Variants in GRM5 observed in about 807,000 individuals in gnomAD.
GRM5 encodes the protein metabotropic glutamate receptor 5.
Under a neutral mutation model 83.1 loss-of-function variants are expected in GRM5, and 19 were observed. That is an observed-to-expected ratio of 0.23 (90% CI 0.16 to 0.34). The LOEUF (loss-of-function observed/expected upper bound fraction) is 0.34. Among genes scored for constraint, GRM5 ranks in the 10% least tolerant of loss-of-function variants. GRM5 has a pLI of 1.00. For missense variants in GRM5, 1,160 were observed against 1,588.3 expected (o/e 0.73, Z 4.58); for synonymous variants, 675 against 633.6 (o/e 1.07, Z -0.98).
At chr11:88,875,275 T>C (rs1944832603) in intron 2 of GRM5, among the ~76,000 whole-genome samples, 1 of 152,006 alleles carries the variant, frequency 6.6e-6, no homozygotes, top group Admixed American at 6.6e-5. Flanking sequence ...TGTAGCAGAT[T>C]CCATCTCAAA....
intron 2 of GRM5, among the ~76,000 whole-genome samples, chr11:89,010,072 T>A (rs1346251281): frequency 6.7e-6 from 1 of 149,476 alleles, no homozygotes; most frequent in Non-Finnish European, 1.5e-5. Context: ...TATATTAACA[T>A]ATATATATGT....
At chr11:88,679,929 A>G (rs1281185234) in intron 3 of GRM5, among the ~76,000 whole-genome samples, 1 of 1,928 alleles carries the variant, frequency 5.2e-4, no homozygotes, top group African/African-American at 5.6e-4. Context: ...TAATCTGTTT[A>G]ATAAAAACAA....
Position 88,884,193 on chromosome 11 carries a change from G to A in GRM5, c.662-34038C>T, listed in dbSNP as rs184585816. On this transcript the variant is annotated intron_variant, in intron 2 of 9. Coordinates refer to ENST00000305447, the MANE Select transcript of GRM5 (RefSeq NM_001143831.3). ...GGAGCCCTACACTGCAAAGTCACAGGGGCAGAGTTGCCCCAAGACATAGGA... is the reference window on the plus strand; with the variant it reads ...GGAGCCCTACACTGCAAAGTCACAGAGGCAGAGTTGCCCCAAGACATAGGA... 1.2e-4 allele frequency among the ~76,000 whole-genome samples: 19 copies of A among 152,302 alleles called. No individual in the cohort carries two copies. In the East Asian group the frequency reaches 1.9e-3, roughly 15 times the overall value.
intron 4 of GRM5, among the ~76,000 whole-genome samples, chr11:88,608,353 A>G (rs1416823599): frequency 2.0e-5 from 3 of 151,832 alleles, no homozygotes; most frequent in Non-Finnish European, 2.9e-5. Flanking sequence ...ATCCTGTCTA[A>G]ATTGCATCTC....
intron 3 of GRM5, among the ~76,000 whole-genome samples, chr11:88,668,214 A>G (rs1405036118): frequency 6.7e-6 from 1 of 149,956 alleles, no homozygotes; most frequent in Non-Finnish European, 1.5e-5. Context: ...AGAAACTCGC[A>G]CACACACACA....
chr11:88,757,592 C>A (rs1264075346), intron 3 of GRM5, among the ~76,000 whole-genome samples: 1 of 151,956 alleles, frequency 6.6e-6, no homozygotes, highest in African/African-American at 2.4e-5. Flanking sequence ...CAATGTCCCA[C>A]CCCCCTGCTA....
chr11:88,714,453 G>A (rs2135387707), intron 3 of GRM5, among the ~76,000 whole-genome samples: 1 of 152,076 alleles, frequency 6.6e-6, no homozygotes, highest in South Asian at 2.1e-4. Context: ...TAAAAATGGG[G>A]GAAAATTATT....
intron 2 of GRM5, among the ~76,000 whole-genome samples, chr11:89,022,486 CAAAA>C (rs10573194): frequency 1.6e-5 from 2 of 126,058 alleles, no homozygotes; most frequent in Admixed American, 7.9e-5. Flanking sequence ...ACTAAAAATA[CAAAA>C]AAAAAAAAAA....
intron 2 of GRM5, among the ~76,000 whole-genome samples, chr11:88,890,085 T>C (rs1225622151): frequency 1.3e-5 from 2 of 148,856 alleles, no homozygotes; most frequent in Non-Finnish European, 3.0e-5. Flanking sequence ...CAGAGAAGCA[T>C]GCTCTTGGCC....
At chr11:88,646,724 T>G (rs542034014) in intron 4 of GRM5, among the ~76,000 whole-genome samples, 80 of 151,938 alleles carry the variant, frequency 5.3e-4, no homozygotes, top group African/African-American at 1.9e-3. Flanking sequence ...TGAAGATATA[T>G]AGAAGCAACA....
At chr11:88,577,512 T>C (rs1427711012) in intron 7 of GRM5, among the ~76,000 whole-genome samples, 1 of 152,140 alleles carries the variant, frequency 6.6e-6, no homozygotes, top group Non-Finnish European at 1.5e-5. Context: ...AAGGTAATTG[T>C]TTGTTCCTTT....
At chr11:88,539,550 G>A (rs889492449) in intron 8 of GRM5, among the ~76,000 whole-genome samples, 7 of 151,990 alleles carry the variant, frequency 4.6e-5, no homozygotes, top group African/African-American at 1.7e-4. Flanking sequence ...TCTATAACCA[G>A]GCAGGCTTCT....
chr11:88,839,488 G>A (rs1590901078), intron 3 of GRM5, among the ~76,000 whole-genome samples: 1 of 152,100 alleles, frequency 6.6e-6, no homozygotes, highest in South Asian at 2.1e-4. Flanking sequence ...ACATTGTGAT[G>A]CCATTTTCAT....
At chr11:88,848,961 T>C (rs7931940) in intron 3 of GRM5, among the ~76,000 whole-genome samples, 66,423 of 151,876 alleles carry the variant, frequency 0.44, 14,811 homozygotes, top group African/African-American at 0.5. Flanking sequence ...TCTTTTTCAG[T>C]CTTCAGACTT....
chr11:88,923,207 CA>C (rs1483124295), intron 2 of GRM5, among the ~76,000 whole-genome samples: 2 of 151,974 alleles, frequency 1.3e-5, no homozygotes, highest in Non-Finnish European at 2.9e-5. Context: ...GGTATGTACC[CA>C]AAAGGAAGGA....
At chr11:88,549,224 G>A (rs568630390) in intron 8 of GRM5, among the ~76,000 whole-genome samples, 2 of 152,212 alleles carry the variant, frequency 1.3e-5, no homozygotes, top group African/African-American at 4.8e-5. Context: ...AGCAATTTGG[G>A]AGACCAGGGA....
intron 2 of GRM5, among the ~76,000 whole-genome samples, chr11:89,009,983 C>T (rs1279315780): frequency 8.9e-6 from 1 of 112,482 alleles, no homozygotes; most frequent in South Asian, 3.2e-4. Flanking sequence ...TAAATTGAAA[C>T]ATCAATTAGC....
chr11:88,869,433 A>G (rs1048963553), intron 2 of GRM5, among the ~76,000 whole-genome samples: 1 of 151,620 alleles, frequency 6.6e-6, no homozygotes, highest in Non-Finnish European at 1.5e-5. Context: ...CAGCAATGCA[A>G]TGACTGTTCA....
chr11:88,845,422 ACTTTTTTTTTT>A lies in GRM5; in HGVS notation c.911+4473_911+4483del, dbSNP rs1401043704. Among the ~76,000 whole-genome samples, 95 of 81,838 alleles carry A rather than the reference ACTTTTTTTTTT, an allele frequency of 1.2e-3. 1 individual carries two copies. Among genetic ancestry groups the A allele is most frequent in the Middle Eastern group, 7.9e-3 (1 of 126 alleles). 53.7% of individuals were successfully genotyped at this position (81,838 alleles called of 152,430 possible). On this transcript the variant is annotated intron_variant, in intron 3 of 9. Transcript: ENST00000305447. ...TAGGCTACAGTACAGTATAAACATA[ACTTTTTTTTTT>A]TTTTTTTTTTTTTTTTTTGAGACAG...
Sources: allele counts gnomAD v4.1 joint callset (sites outside exome capture counted in the v4.1 genomes callset), GRCh38; gene constraint gnomAD v4.1.1; transcripts MANE v1.5; gene names NCBI Gene and HGNC (gene_info 2026-07-23, HGNC 2026-07-21).